The following RLIG1 variants were observed in gnomAD, a reference collection of about 807,000 sequenced individuals.
RLIG1 encodes RNA 5'-phosphate and 3'-OH ligase 1, also known as RNA ligase 1.
At chr12:88,048,756 CTAGA>C in the RLIG1 span, 2 of 197,484 alleles carry the variant, frequency 1.0e-5, no homozygotes, top group Non-Finnish European at 1.0e-5. Flanking sequence ...TTTAATTTTG[CTAGA>C]TATTTAACAA....
chr12:88,036,049 C>T, the RLIG1 span: 15 of 1,425,006 alleles, frequency 1.1e-5, no homozygotes, highest in African/African-American at 2.8e-5. Context: ...CAGGTCAGCA[C>T]CTTTTGGGGA....
chr12:88,046,745 C>T, the RLIG1 span: 13 of 1,426,132 alleles, frequency 9.1e-6, no homozygotes, highest in Admixed American at 1.9e-4. Context: ...TGAAGAGGTA[C>T]GTTTTCTAGT....
At chr12:88,035,936 T>G in the RLIG1 span, 1 of 1,521,330 alleles carries the variant, frequency 6.6e-7, no homozygotes, top group African/African-American at 1.4e-5. Context: ...TTTTCTTAGT[T>G]GTGAGGGAGG....
chr12:88,046,712 TA>T, the RLIG1 span: 1 of 1,158,260 alleles, frequency 8.6e-7, no homozygotes. Context: ...CCTTTATTCC[TA>T]AGTGTTTCAA....
At chr12:88,041,079 G>A in the RLIG1 span, among the ~76,000 whole-genome samples, 1 of 152,224 alleles carries the variant, frequency 6.6e-6, no homozygotes, top group South Asian at 2.1e-4. Context: ...TTATAAAACT[G>A]AAATGCTACC....
At chr12:88,035,916 G>C in the RLIG1 span, 3 of 1,510,400 alleles carry the variant, frequency 2.0e-6, no homozygotes, top group Non-Finnish European at 2.6e-6. Context: ...TGAGCTCCAG[G>C]TTCTTGTACT....
chr12:88,035,537 C>T, the RLIG1 span: 22 of 1,124,244 alleles, frequency 2.0e-5, no homozygotes, highest in African/African-American at 2.2e-4. Context: ...TGGCTGGGCG[C>T]GGAGTGTGCG....
the RLIG1 span, chr12:88,040,269 A>T: frequency 1.4e-6 from 2 of 1,415,250 alleles, no homozygotes; most frequent in Non-Finnish European, 2.0e-6. Context: ...TATAAAGGTA[A>T]AATAAAACTA....
At chr12:88,047,802 T>C in the RLIG1 span, among the ~76,000 whole-genome samples, 2 of 152,148 alleles carry the variant, frequency 1.3e-5, no homozygotes, top group East Asian at 3.9e-4. Context: ...ACACTCACAC[T>C]GTGTTTGCTG....
At chr12:88,035,806 G>A in the RLIG1 span, 1 of 1,548,760 alleles carries the variant, frequency 6.5e-7, no homozygotes, top group Non-Finnish European at 8.7e-7. Flanking sequence ...GGCTCAGTGC[G>A]AACCCGGCGA....
the RLIG1 span, chr12:88,042,717 C>T: frequency 3.2e-6 from 2 of 615,442 alleles, no homozygotes; most frequent in African/African-American, 1.9e-5. Flanking sequence ...TTCCCTTTGT[C>T]TTCTTTGAGA....
At chr12:88,049,201 T>G in the RLIG1 span, 1 of 1,593,148 alleles carries the variant, frequency 6.3e-7, no homozygotes, top group Non-Finnish European at 8.5e-7. Flanking sequence ...ATGGGGAAAT[T>G]AACAGGACTT....
chr12:88,035,557 C>G, the RLIG1 span: 3 of 1,333,888 alleles, frequency 2.2e-6, no homozygotes, highest in Admixed American at 2.0e-5. Flanking sequence ...GTGGCCTGAG[C>G]CGTGCGGGTG....
chr12:88,046,335 T>C, the RLIG1 span, among the ~76,000 whole-genome samples: 1 of 152,066 alleles, frequency 6.6e-6, no homozygotes, highest in African/African-American at 2.4e-5. Flanking sequence ...GAAGCTAAGA[T>C]GGTAGTTAGA....
the RLIG1 span, chr12:88,043,592 T>G: frequency 5.7e-6 from 9 of 1,573,862 alleles, no homozygotes; most frequent in Admixed American, 1.5e-4. Flanking sequence ...TTTTTAATAT[T>G]TTTTAGAATT....
chr12:88,046,655 A>C, the RLIG1 span: 3 of 626,154 alleles, frequency 4.8e-6, no homozygotes, highest in Non-Finnish European at 8.0e-6. Context: ...ATAAGGTGCC[A>C]GTGCACTGGG....
At chr12:88,043,512 A>G in the RLIG1 span, 1 of 746,146 alleles carries the variant, frequency 1.3e-6, no homozygotes, top group South Asian at 1.8e-5. Flanking sequence ...ATGAGGTTTT[A>G]GTAGCTGTTC....
chr12:88,036,947 G>A, the RLIG1 span, among the ~76,000 whole-genome samples: 1 of 152,094 alleles, frequency 6.6e-6, no homozygotes, highest in African/African-American at 2.4e-5. Context: ...AGTAGTTTGT[G>A]AAAGTATTCT....
chr12:88,041,151 A>T, the RLIG1 span, among the ~76,000 whole-genome samples: 10 of 152,242 alleles, frequency 6.6e-5, no homozygotes, highest in South Asian at 2.1e-3. Flanking sequence ...TCCTGTCTCT[A>T]TGAATTTGAC....
Sources: allele counts gnomAD v4.1 joint callset (sites outside exome capture counted in the v4.1 genomes callset), GRCh38; gene constraint gnomAD v4.1.1; transcripts MANE v1.5; gene names NCBI Gene and HGNC (gene_info 2026-07-23, HGNC 2026-07-21).